The following TMEM163 variants were observed in gnomAD, a reference collection of about 807,000 sequenced individuals.
TMEM163 encodes transmembrane protein 163.
Under a neutral mutation model 29.3 loss-of-function variants are expected in TMEM163, and 17 were observed. The observed-to-expected ratio is 0.58, with a 90% CI of 0.40 to 0.87. The LOEUF (loss-of-function observed/expected upper bound fraction) is 0.87, where lower values mean the gene tolerates loss of function less well. Ranked by LOEUF, TMEM163 falls within the 40% of genes least tolerant of loss-of-function variation. TMEM163 has a pLI of 0.00. For synonymous variants in TMEM163, 157 were observed against 160.6 expected, an observed-to-expected ratio of 0.98 and a Z score of 0.17; for missense variants, 303 against 381.5, an observed-to-expected ratio of 0.79 and a Z score of 1.71.
chr2:134,523,470 A>G (rs1172600838), intron 4 of TMEM163, among the ~76,000 whole-genome samples: 2 of 152,214 alleles, frequency 1.3e-5, no homozygotes, highest in African/African-American at 2.4e-5. Context: ...CATTTAGAAA[A>G]AATGCTTAAA....
chr2:134,580,170 C>G (rs553001818), intron 2 of TMEM163, among the ~76,000 whole-genome samples: 1 of 152,272 alleles, frequency 6.6e-6, no homozygotes, highest in South Asian at 2.1e-4. Flanking sequence ...TGTATTTTCA[C>G]GGCACATTAA....
intron 2 of TMEM163, among the ~76,000 whole-genome samples, chr2:134,649,575 C>T (rs1574308801): frequency 6.6e-6 from 1 of 152,044 alleles, no homozygotes; most frequent in Non-Finnish European, 1.5e-5. Flanking sequence ...TAGATAAATG[C>T]TTACACTGAT....
intron 6 of TMEM163, chr2:134,458,383 T>G (rs979227823): frequency 3.4e-6 from 2 of 585,440 alleles, no homozygotes; most frequent in Non-Finnish European, 3.0e-6. Context: ...ACCCCCACCA[T>G]CATTCTGTAC....
intron 2 of TMEM163, among the ~76,000 whole-genome samples, chr2:134,608,764 G>A (rs76071774): frequency 1.3e-4 from 7 of 52,218 alleles, no homozygotes; most frequent in Non-Finnish European, 2.3e-4. Flanking sequence ...CGAGAACTGT[G>A]CTGGTGAAAA....
chr2:134,587,797 C>G (rs1480003934), intron 2 of TMEM163, among the ~76,000 whole-genome samples: 1 of 152,170 alleles, frequency 6.6e-6, no homozygotes, highest in Non-Finnish European at 1.5e-5. Flanking sequence ...TGGGCACTGA[C>G]AAGAAGGTAT....
At chr2:134,494,412 C>A (rs949230929) in intron 5 of TMEM163, among the ~76,000 whole-genome samples, 1 of 152,178 alleles carries the variant, frequency 6.6e-6, no homozygotes, top group African/African-American at 2.4e-5. Context: ...TTACACTTGA[C>A]AGCATGTCAT....
At chr2:134,503,130 A>T (rs1679737006) in intron 4 of TMEM163, 133 bp from the exon 5 acceptor site, 1 of 781,514 alleles carries the variant, frequency 1.3e-6, no homozygotes, top group Admixed American at 2.4e-5. Flanking sequence ...CAGGGTGACC[A>T]CCCACAGTCC....
chr2:134,672,412 G>T (rs79913926), intron 2 of TMEM163, among the ~76,000 whole-genome samples: 15,874 of 152,122 alleles, frequency 0.1, 994 homozygotes, highest in South Asian at 0.17. Flanking sequence ...ACCAACACGT[G>T]CCTATGTGAG....
intron 2 of TMEM163, among the ~76,000 whole-genome samples, chr2:134,697,053 G>A (rs765582997): frequency 5.3e-4 from 80 of 152,252 alleles, no homozygotes; most frequent in Non-Finnish European, 1.9e-4. Flanking sequence ...TGGGATTACA[G>A]GTGTGAGCCA....
intron 2 of TMEM163, among the ~76,000 whole-genome samples, chr2:134,691,602 C>A (rs763022698): frequency 1.9e-4 from 29 of 152,252 alleles, no homozygotes; most frequent in South Asian, 4.1e-4. Context: ...CCTTGTCAGA[C>A]AACCCTAGGT....
At position 134,655,890 on chromosome 2, in the gene TMEM163, A is replaced by T. The variant is rs1314859102; in HGVS notation, c.322+57310T>A. Among the ~76,000 whole-genome samples, 3 of 141,754 alleles carry T rather than the reference A, an allele frequency of 2.1e-5. 1 individual carries two copies. The highest frequency in any genetic ancestry group is 2.1e-4 in the Admixed American group (3 of 14,414). 93.0% of individuals were successfully genotyped at this position (141,754 alleles called of 152,430 possible). On this transcript the variant is annotated intron_variant, in intron 2 of 7. Coordinates refer to ENST00000281924, the MANE Select transcript of TMEM163 (RefSeq NM_030923.5). The stretch of plus-strand genomic sequence containing the variant: ...TCAGGGGTCAGGGACCCACTTGAGG[A>T]GGCAGTCTGCCCGTTCTCAGATCTC...
intron 2 of TMEM163, among the ~76,000 whole-genome samples, chr2:134,588,693 C>T (rs1243794800): frequency 6.6e-6 from 1 of 152,160 alleles, no homozygotes; most frequent in Non-Finnish European, 1.5e-5. Context: ...TATGCATGGA[C>T]CCTGACCCCT....
chr2:134,494,163 A>T lies in TMEM163; in HGVS notation c.555+8738T>A, dbSNP rs115856851. On this transcript the variant is annotated intron_variant, in intron 5 of 7. Coordinates refer to ENST00000281924, the MANE Select transcript of TMEM163 (RefSeq NM_030923.5). ...TCCACTTTCATCAGTGCCCAGTTCT[A>T]TTCTGTTTAGAAGTTGGTAGGTTCT... Among the ~76,000 whole-genome samples the T allele has an allele frequency of 7.4e-3, 1,124 of 152,244 alleles. 9 individuals are homozygous for T. The highest frequency in any genetic ancestry group is 0.025 in the African/African-American group (1,046 of 41,564).
intron 2 of TMEM163, among the ~76,000 whole-genome samples, chr2:134,644,338 A>C (rs1574304372): frequency 6.6e-6 from 1 of 152,256 alleles, no homozygotes; most frequent in East Asian, 1.9e-4. Flanking sequence ...ATATTAAAGG[A>C]ATACACTACC....
intron 3 of TMEM163, among the ~76,000 whole-genome samples, chr2:134,551,411 C>T (rs1680919214): frequency 6.6e-6 from 1 of 152,150 alleles, no homozygotes; most frequent in Admixed American, 6.5e-5. Flanking sequence ...TGGGAACAGG[C>T]ATACCGACCC....
chr2:134,628,217 T>C (rs1361585999), intron 2 of TMEM163, among the ~76,000 whole-genome samples: 3 of 152,246 alleles, frequency 2.0e-5, no homozygotes, highest in Non-Finnish European at 4.4e-5. Context: ...ACAAAATGTA[T>C]ATAGCTACTT....
chr2:134,638,598 A>G (rs1354928718), intron 2 of TMEM163, among the ~76,000 whole-genome samples: 1 of 152,192 alleles, frequency 6.6e-6, no homozygotes, highest in African/African-American at 2.4e-5. Context: ...GGTAATGGAG[A>G]GAATACAAGG....
intron 2 of TMEM163, among the ~76,000 whole-genome samples, chr2:134,684,922 C>CA (rs56956631): frequency 0.036 from 2,651 of 74,598 alleles, 129 homozygotes; most frequent in East Asian, 0.28. Context: ...GACCCTGTCT[C>CA]AAAAAAAAAA....
At chr2:134,513,194 C>A (rs1679987053) in intron 4 of TMEM163, among the ~76,000 whole-genome samples, 1 of 152,148 alleles carries the variant, frequency 6.6e-6, no homozygotes, top group African/African-American at 2.4e-5. Context: ...GATACAGTTA[C>A]CATTTCTGGA....
Sources: allele counts gnomAD v4.1 joint callset (sites outside exome capture counted in the v4.1 genomes callset), GRCh38; gene constraint gnomAD v4.1.1; transcripts MANE v1.5; gene names NCBI Gene and HGNC (gene_info 2026-07-23, HGNC 2026-07-21).